CACNA1I: variants seen among roughly 807,000 people sequenced by gnomAD.
The protein encoded by CACNA1I is calcium voltage-gated channel subunit alpha1 I, also known as voltage-dependent T-type calcium channel subunit alpha-1I.
In CACNA1I, 74 loss-of-function variants were observed where a neutral mutation model predicts 201.6. The ratio of observed to expected loss-of-function variants is 0.37; its 90% confidence interval spans 0.30 to 0.45. The LOEUF (loss-of-function observed/expected upper bound fraction) is 0.45, where lower values mean the gene tolerates loss of function less well. CACNA1I is among the 20% of genes least tolerant of loss of function. The probability of loss-of-function intolerance (pLI) is 1.00; values close to 1 mark genes in which losing one functional copy is unlikely to be tolerated. For synonymous variants in CACNA1I, 1,431 were observed against 1,345.2 expected, an observed-to-expected ratio of 1.06 and a Z score of -1.40; for missense variants, 2,346 against 3,138.1, an observed-to-expected ratio of 0.75 and a Z score of 6.03.
At chr22:39,672,359 A>G in intron 27 of CACNA1I, 51 bp downstream of exon 27, 1 of 1,234,562 alleles carries the variant, frequency 8.1e-7, no homozygotes, top group Non-Finnish European at 1.2e-6. Flanking sequence ...TGCAGGATGA[A>G]GAAGCAGTCC....
Position 39,612,426 on chromosome 22 carries a change from C to T in CACNA1I, c.483-6884C>T, listed in dbSNP as rs1020016212. 7.2e-5 allele frequency among the ~76,000 whole-genome samples: 11 copies of T among 152,156 alleles called. 1 individual carries two copies. The highest frequency in any genetic ancestry group is 2.0e-4 in the Admixed American group (3 of 15,288). On this transcript the variant is annotated intron_variant, in intron 3 of 36. Transcript: ENST00000402142. ...GGTGCTCTAACAAAATACCATAAAC[C>T]GGGTGCCTCATAAACAACAGAAATC...
Position 39,684,688 on chromosome 22 carries a change from G to T in CACNA1I, c.6027+190G>T. ...GGGGGAGGTGGCACTGGGGCGGATG[G>T]AGTGGGCGGGGCTGGGTCCTGGGGA... is the stretch of plus-strand genomic sequence containing the variant. On this transcript the variant is annotated intron_variant, in intron 36 of 36. Transcript: ENST00000402142. This position sits in a 1 kb window ranked among gnomAD's most constrained non-coding sequence, Gnocchi z 4.6. 1 of 641,298 alleles carries T rather than the reference G, an allele frequency of 1.6e-6. No homozygotes were observed. Among genetic ancestry groups the T allele is most frequent in the Non-Finnish European group, 2.7e-6 (1 of 367,632 alleles). 39.7% of individuals were successfully genotyped at this position (641,298 alleles called of 1,614,324 possible).
chr22:39,654,817 T>C (rs1934764103), intron 10 of CACNA1I, among the ~76,000 whole-genome samples: 1 of 151,852 alleles, frequency 6.6e-6, no homozygotes, highest in East Asian at 1.9e-4. Context: ...CCCTGAGTCC[T>C]CAAGAAGGAT....
At chr22:39,616,008 G>A (rs1933524603) in intron 3 of CACNA1I, among the ~76,000 whole-genome samples, 1 of 152,102 alleles carries the variant, frequency 6.6e-6, no homozygotes, top group Non-Finnish European at 1.5e-5. Context: ...GCTTTTCACC[G>A]GGGTCTGAGG....
chr22:39,677,178 G>T lies in CACNA1I; in HGVS notation c.4855-163G>T, dbSNP rs1006203932. Among the ~76,000 whole-genome samples, 1 of 152,162 alleles carries T rather than the reference G, an allele frequency of 6.6e-6. No individual in the cohort carries two copies. Among genetic ancestry groups the T allele is most frequent in the Non-Finnish European group, 1.5e-5 (1 of 68,016 alleles). On this transcript the variant is annotated intron_variant, in intron 29 of 36. Transcript: ENST00000402142. The surrounding 1 kb of genome is among the most constrained non-coding windows in gnomAD (Gnocchi z 4.8). ...GTGCTGGACCCAGCCTGCCCTCCAG[G>T]TCCTGTAGGGGTGGCAGACGTGGAC...
chr22:39,646,191 C>T (rs1934480454), intron 7 of CACNA1I, among the ~76,000 whole-genome samples: 1 of 152,110 alleles, frequency 6.6e-6, no homozygotes, highest in South Asian at 2.1e-4. Flanking sequence ...CCATCTGTGT[C>T]TGTGCCTGTG....
In CACNA1I at chr22:39,629,333, C is replaced by T. The variant is rs191276490; in HGVS notation, c.581-5232C>T. ...ACATCTCCAGATGGAGCCCCACCCC[C>T]GCTGAAGGCCGCTCTGTGGCTCCAG... is the stretch of plus-strand genomic sequence containing the variant. On this transcript the variant is annotated intron_variant, in intron 4 of 36. Transcript: ENST00000402142. The surrounding 1 kb of genome is among the most constrained non-coding windows in gnomAD (Gnocchi z 4.8). Among the ~76,000 whole-genome samples the T allele has an allele frequency of 4.3e-4, 66 of 152,268 alleles. No homozygotes were observed. The highest frequency in any genetic ancestry group is 1.4e-3 in the African/African-American group (60 of 41,562).
chr22:39,674,148 G>C (rs1177346333), intron 29 of CACNA1I, 115 bp downstream of exon 29: 4 of 965,586 alleles, frequency 4.1e-6, no homozygotes, highest in Middle Eastern at 2.1e-4. Context: ...CAGGGCAGAT[G>C]CTGTCTCTGG....
At chr22:39,671,392 T>C (rs192692273) in intron 26 of CACNA1I, among the ~76,000 whole-genome samples, 1 of 152,276 alleles carries the variant, frequency 6.6e-6, no homozygotes, top group East Asian at 1.9e-4. Context: ...TACTCAGCCA[T>C]AGGTAGTGGA....
intron 31 of CACNA1I, among the ~76,000 whole-genome samples, 155 bp from the exon 32 acceptor site, chr22:39,678,952 C>T (rs978865920): frequency 3.9e-5 from 6 of 152,028 alleles, no homozygotes; most frequent in East Asian, 1.9e-4. Flanking sequence ...AGGCAGATGC[C>T]GCAACAAGGC....
chr22:39,592,782 A>G (rs1932837434), intron 1 of CACNA1I, among the ~76,000 whole-genome samples: 1 of 152,214 alleles, frequency 6.6e-6, no homozygotes, highest in African/African-American at 2.4e-5. Flanking sequence ...GAGTTCCTCA[A>G]CACTTGTGAC....
intron 1 of CACNA1I, among the ~76,000 whole-genome samples, chr22:39,596,163 AGAGATGGGGGGGCAGGGCGGAGG>A (rs1932883703): frequency 4.1e-5 from 1 of 24,216 alleles, no homozygotes; most frequent in Non-Finnish European, 7.3e-5. Context: ...CAGGGTGGAG[AGAGATGGGGGGGCAGGGCGGAGG>A]GAGATGGGGG....
rs778991093 is a variant in CACNA1I, at chr22:39,686,394, A to G, written c.6661A>G (p.Arg2221Gly). The G allele has an allele frequency of 1.7e-4, 216 of 1,276,916 alleles. No homozygotes were observed. The highest frequency in any genetic ancestry group is 1.8e-5 in the Non-Finnish European group (18 of 1,009,384). The allele number at this position is 1,276,916 out of a possible 1,614,324, so 79.1% of individuals were successfully genotyped here. A position where few individuals can be genotyped will look rare whatever the true frequency, so the allele number is the denominator to read the frequency against. The change falls in exon 37 of 37, where the codon AGG becomes GGG. Residue 2221 changes from arginine (R) to glycine (G), a missense_variant. Around this residue, in one of 13 missense-constraint regions of CACNA1I, gnomAD observed 187 missense variants for 151.0 expected, o/e 1.24. Coordinates refer to ENST00000402142, the MANE Select transcript of CACNA1I (RefSeq NM_021096.4). ...GGAGCCGGGAGACGCCGCCAGCAAGAGGAAGAGATGAGGGTCGCAGGGGCC... is the reference window on the plus strand; with the variant it reads ...GGAGCCGGGAGACGCCGCCAGCAAGGGGAAGAGATGAGGGTCGCAGGGGCC... ...ELEPGDAASK[R>G]KR
intron 28 of CACNA1I, 25 bp from the exon 29 acceptor site, chr22:39,673,938 G>T (rs770732173): frequency 6.2e-7 from 1 of 1,610,146 alleles, no homozygotes; most frequent in Non-Finnish European, 8.5e-7. Flanking sequence ...GGGGCTGAGT[G>T]GGCAGGGCTG....
chr22:39,672,352 A>T, intron 27 of CACNA1I, 44 bp downstream of exon 27: 2 of 1,270,412 alleles, frequency 1.6e-6, no homozygotes, highest in Non-Finnish European at 2.3e-6. Flanking sequence ...GGTAGACTGC[A>T]GGATGAAGAA....
At position 39,647,894 on chromosome 22, in the gene CACNA1I, C is replaced by T. The variant is rs1934537723; in HGVS notation, c.1535C>T (p.Pro512Leu). 3 of 1,613,702 alleles carry T rather than the reference C, an allele frequency of 1.9e-6. No individual in the cohort carries two copies. The highest frequency in any genetic ancestry group is 3.3e-5 in the Admixed American group (2 of 60,032). ...CGGCATTGCCAGACTTTGCATGGGC[C>T]TGCCTCCCCTGGAAATGATCACTCG... is the stretch of plus-strand genomic sequence containing the variant. ...GSRHCQTLHG[P>L]ASPGNDHSGR... The change falls in exon 9 of 37, where the codon CCT becomes CTT. Residue 512 changes from proline to leucine, a missense_variant. Physicochemically the swap from Pro to Leu is moderately conservative, Grantham distance 98. Transcript: ENST00000402142.
In CACNA1I at chr22:39,646,825, C is replaced by G; in HGVS notation, c.1406C>G (p.Pro469Arg). 1.9e-6 allele frequency: 3 copies of G among 1,542,864 alleles called. No individual in the cohort carries two copies. Among genetic ancestry groups the G allele is most frequent in the Non-Finnish European group, 2.6e-6 (3 of 1,143,898 alleles). Residue 469 changes from proline (P) to arginine (R), a missense_variant, in exon 8 of 37, where the codon CCG (proline) becomes CGG (arginine). This residue lies in a region of CACNA1I where 312 missense variants were observed against 331.5 expected (regional missense o/e 0.94). Coordinates refer to ENST00000402142, the MANE Select transcript of CACNA1I (RefSeq NM_021096.4). The part of the protein sequence containing the change: ...ALQSRRQALG[P>R]EAPAPAKPGP... ...CAGAGCCGGCGCCAGGCCCTGGGCC[C>G]GGAGGCCCCGGCCCCCGCCAAACCT...
intron 1 of CACNA1I, among the ~76,000 whole-genome samples, chr22:39,574,580 G>A (rs1029873043): frequency 2.6e-5 from 4 of 152,158 alleles, no homozygotes; most frequent in Middle Eastern, 3.2e-3. Flanking sequence ...CTGGGGCAGT[G>A]CTTAAGCTTG....
Position 39,689,021 on chromosome 22 carries a change from A to G in CACNA1I, c.*2616A>G, listed in dbSNP as rs1348286700. 6.5e-6 allele frequency: 1 copy of G among 152,766 alleles called. No individual in the cohort carries two copies. The highest frequency in any genetic ancestry group is 2.4e-5 in the African/African-American group (1 of 41,470). The allele number at this position is 152,766 out of a possible 1,614,324, so 9.5% of individuals were successfully genotyped here. A position where few individuals can be genotyped will look rare whatever the true frequency, so the allele number is the denominator to read the frequency against. ...GTGATCCACTGGCCAGGACAAGTCA[A>G]CATGGGTGAGGGTTGGGCAAAGGGC... On this transcript the variant is annotated 3_prime_UTR_variant, in exon 37 of 37. Coordinates refer to ENST00000402142, the MANE Select transcript of CACNA1I (RefSeq NM_021096.4).
Sources: allele counts gnomAD v4.1 joint callset (sites outside exome capture counted in the v4.1 genomes callset), GRCh38; gene constraint gnomAD v4.1.1; regional missense constraint gnomAD v4.1.1; non-coding constraint Gnocchi (gnomAD v3.1); transcripts MANE v1.5; gene names NCBI Gene and HGNC (gene_info 2026-07-23, HGNC 2026-07-21).